WDFY1: variants seen among roughly 807,000 people sequenced by gnomAD.
WDFY1 encodes the protein WD repeat and FYVE domain containing 1.
Under a neutral mutation model 56.4 loss-of-function variants are expected in WDFY1, and 32 were observed. The observed-to-expected ratio is 0.57, with a 90% confidence interval of 0.43 to 0.76. WDFY1 has a LOEUF of 0.76. Ranked by LOEUF, WDFY1 falls within the 30% of genes least tolerant of loss-of-function variation. The probability of loss-of-function intolerance (pLI) is 0.00; values close to 1 mark genes in which losing one functional copy is unlikely to be tolerated. For missense variants in WDFY1, 480 were observed against 545.7 expected, an observed-to-expected ratio of 0.88 and a Z score of 1.20; for synonymous variants, 192 against 197.3, an observed-to-expected ratio of 0.97 and a Z score of 0.23.
At chr2:223,944,435 G>A (rs2106108735) in intron 1 of WDFY1, among the ~76,000 whole-genome samples, 1 of 152,386 alleles carries the variant, frequency 6.6e-6, no homozygotes, top group South Asian at 2.1e-4. Flanking sequence ...GGAGGAGCGC[G>A]GTGGGCTGGG....
intron 1 of WDFY1, among the ~76,000 whole-genome samples, chr2:223,944,620 G>C (rs570623135): frequency 6.6e-6 from 1 of 151,476 alleles, no homozygotes; most frequent in South Asian, 2.1e-4. Flanking sequence ...AGAGTTCCCG[G>C]GCTGGAGGGG....
chr2:223,904,595 T>C (rs1693566563), intron 4 of WDFY1, among the ~76,000 whole-genome samples: 1 of 152,074 alleles, frequency 6.6e-6, no homozygotes, highest in South Asian at 2.1e-4. Context: ...AAACAATATG[T>C]AGGGAAAAGC....
chr2:223,900,243 AGCACGTAACAAAAAC>A (rs1430113142), intron 5 of WDFY1, among the ~76,000 whole-genome samples: 8 of 152,250 alleles, frequency 5.3e-5, no homozygotes, highest in Non-Finnish European at 1.2e-4. Context: ...TGAGAGGCCT[AGCACGTAACAAAAAC>A]GCTTATGTAG....
chr2:223,878,792 C>T (rs888685197), intron 11 of WDFY1, 62 bp from the exon 12 acceptor site: 2 of 1,469,548 alleles, frequency 1.4e-6, no homozygotes, highest in Admixed American at 1.8e-5. Flanking sequence ...CGGCAAGAGT[C>T]AACACAGACA....
chr2:223,924,653 C>T (rs969837079), intron 1 of WDFY1, among the ~76,000 whole-genome samples: 1 of 152,094 alleles, frequency 6.6e-6, no homozygotes, highest in Non-Finnish European at 1.5e-5. Flanking sequence ...TGTGAGCCAC[C>T]GCACCTGGCC....
chr2:223,886,843 T>C (rs1465359046), intron 8 of WDFY1, among the ~76,000 whole-genome samples: 2 of 151,958 alleles, frequency 1.3e-5, no homozygotes, highest in Admixed American at 6.6e-5. Flanking sequence ...ATTTGGTGGT[T>C]TGAACGATGG....
At chr2:223,895,832 C>T (rs930639850) in intron 6 of WDFY1, among the ~76,000 whole-genome samples, 25 of 152,084 alleles carry the variant, frequency 1.6e-4, no homozygotes, top group African/African-American at 6.0e-4. Context: ...CCATTATCCA[C>T]AGTCATAAGA....
chr2:223,882,178 G>A, intron 9 of WDFY1, 106 bp from the exon 10 acceptor site: 1 of 1,394,386 alleles, frequency 7.2e-7, no homozygotes, highest in Non-Finnish European at 9.5e-7. Flanking sequence ...GCAGTGGCGT[G>A]ATCTCGGCTC....
At chr2:223,936,628 C>A (rs73992115) in intron 1 of WDFY1, among the ~76,000 whole-genome samples, 4,649 of 152,256 alleles carry the variant, frequency 0.031, 265 homozygotes, top group African/African-American at 0.1. Context: ...GAAAGTCTTG[C>A]TTGCAAGGTT....
intron 3 of WDFY1, among the ~76,000 whole-genome samples, chr2:223,908,921 G>A (rs1175410096): frequency 6.6e-6 from 1 of 152,160 alleles, no homozygotes; most frequent in Admixed American, 6.5e-5. Flanking sequence ...TTCCCGGACA[G>A]TTCTTGAGGC....
At chr2:223,941,915 G>A (rs777519163) in intron 1 of WDFY1, among the ~76,000 whole-genome samples, 9 of 152,106 alleles carry the variant, frequency 5.9e-5, no homozygotes, top group Non-Finnish European at 1.0e-4. Context: ...CTCATGAAGT[G>A]TAGCACCTAC....
chr2:223,928,844 C>A (rs886826821), intron 1 of WDFY1, among the ~76,000 whole-genome samples: 3 of 152,214 alleles, frequency 2.0e-5, no homozygotes, highest in Non-Finnish European at 1.5e-5. Context: ...TTCTGGAGCA[C>A]CATCTGCCCC....
intron 8 of WDFY1, among the ~76,000 whole-genome samples, chr2:223,886,704 T>C (rs1693179721): frequency 8.8e-6 from 1 of 113,824 alleles, no homozygotes; most frequent in African/African-American, 3.4e-5. Context: ...CACTCCAGCC[T>C]AGGCGACAAG....
intron 11 of WDFY1, among the ~76,000 whole-genome samples, chr2:223,879,246 T>C (rs1157300473): frequency 6.6e-6 from 1 of 152,178 alleles, no homozygotes; most frequent in Non-Finnish European, 1.5e-5. Context: ...GAATAAAGCA[T>C]ATAGGTAGTG....
At chr2:223,910,416 A>C (rs1055994155) in intron 3 of WDFY1, among the ~76,000 whole-genome samples, 1 of 151,996 alleles carries the variant, frequency 6.6e-6, no homozygotes, top group Non-Finnish European at 1.5e-5. Flanking sequence ...GTAGCCAAAA[A>C]CAAAAAAGAT....
chr2:223,924,755 G>A (rs1012918957), intron 1 of WDFY1, among the ~76,000 whole-genome samples: 1 of 152,104 alleles, frequency 6.6e-6, no homozygotes, highest in Non-Finnish European at 1.5e-5. Context: ...TCTTTTTTAT[G>A]CTAAATGTTT....
At chr2:223,914,514 G>T (rs1693757125) in intron 2 of WDFY1, among the ~76,000 whole-genome samples, 1 of 151,924 alleles carries the variant, frequency 6.6e-6, no homozygotes, top group African/African-American at 2.4e-5. Context: ...TCTTGTTTAT[G>T]ACTCCTTGCA....
intron 1 of WDFY1, among the ~76,000 whole-genome samples, chr2:223,931,686 CT>C (rs796921019): frequency 1.5e-3 from 62 of 42,212 alleles, no homozygotes; most frequent in Admixed American, 2.0e-3. Context: ...ATTTTTCTTT[CT>C]TTTTTTTTTT....
Position 223,887,927 on chromosome 2 carries a change from G to A in WDFY1, c.832-3178C>T, listed in dbSNP as rs114447309. Among the ~76,000 whole-genome samples, 1,406 of 152,268 alleles carry A rather than the reference G, an allele frequency of 9.2e-3. 34 individuals carry two copies. The highest frequency in any genetic ancestry group is 0.032 in the African/African-American group (1,325 of 41,552). On this transcript the variant is annotated intron_variant, in intron 8 of 11. Coordinates refer to ENST00000233055, the MANE Select transcript of WDFY1 (RefSeq NM_020830.5). Reference sequence around the variant, plus strand: ...TAAAGGGACTAAGGTGGGTAGAATTGAAGGCAAGAACATAGTTTCAGGAAA... The same window carrying A: ...TAAAGGGACTAAGGTGGGTAGAATTAAAGGCAAGAACATAGTTTCAGGAAA...
Sources: gnomAD v4.1 joint callset for allele counts (sites outside exome capture counted in the v4.1 genomes callset) on GRCh38, gnomAD v4.1.1 for gene constraint, MANE v1.5 for transcripts, NCBI Gene and HGNC (gene_info 2026-07-23, HGNC 2026-07-21) for gene names.